Variants in OSGIN1 observed in about 807,000 individuals in gnomAD.
OSGIN1 encodes the protein oxidative stress induced growth inhibitor 1, also known as oxidative stress-induced growth inhibitor 1.
In OSGIN1, 19 loss-of-function variants were observed where a neutral mutation model predicts 20.1. That is an observed-to-expected ratio of 0.95 (90% CI 0.66 to 1.39). OSGIN1 has a LOEUF of 1.39. Ranked by LOEUF, OSGIN1 falls within the 40% of genes most tolerant of loss-of-function variation. The pLI is 0.00. For synonymous variants in OSGIN1, 368 were observed against 297.8 expected (o/e 1.24, Z -2.43); for missense variants, 820 against 653.0 (o/e 1.26, Z -2.79).
intron 5 of OSGIN1, among the ~76,000 whole-genome samples, chr16:83,962,660 C>G (rs751207211): frequency 6.6e-6 from 1 of 152,220 alleles, no homozygotes; most frequent in Non-Finnish European, 1.5e-5. Context: ...GTTAGGGAGA[C>G]TTGAGACATC....
intron 2 of OSGIN1, among the ~76,000 whole-genome samples, chr16:83,958,328 C>T (rs112169078): frequency 4.6e-5 from 7 of 152,316 alleles, no homozygotes; most frequent in African/African-American, 1.7e-4. Context: ...TGGAGGCGAC[C>T]CGGCGTGGCG....
rs1395026540 is a variant in OSGIN1, at chr16:83,960,946, C to T, written c.397-35C>T. The T allele has an allele frequency of 3.8e-6, 6 of 1,594,094 alleles. No individual in the cohort carries two copies. The Admixed American group carries it at 5.0e-5, about 13-fold the overall frequency. On this transcript the variant is annotated intron_variant, in intron 4 of 5. Transcript: ENST00000393306. ...CTAGCCCCAAATGGGTTCAGGCGAG[C>T]AGAGGCCTGGACCAAAGGGTTCCTT...
At chr16:83,957,589 C>A in intron 1 of OSGIN1, 51 bp from the exon 2 acceptor site, 1 of 932,118 alleles carries the variant, frequency 1.1e-6, no homozygotes, top group Admixed American at 2.0e-5. Context: ...GCTGTGTGGA[C>A]ACCCAGGCCT....
intron 5 of OSGIN1, 123 bp from the exon 6 acceptor site, chr16:83,964,939 A>T (rs1193263965): frequency 5.8e-6 from 4 of 694,120 alleles, no homozygotes; most frequent in African/African-American, 5.3e-5. Context: ...TACCTGGCCT[A>T]GTCCTACAGC....
intron 1 of OSGIN1, chr16:83,954,729 C>G: frequency 1.0e-6 from 1 of 983,922 alleles, no homozygotes; most frequent in Non-Finnish European, 1.2e-6. Flanking sequence ...GGAGGGAGCC[C>G]TGGACTTGGA....
intron 1 of OSGIN1, chr16:83,954,637 C>G (rs1200390053): frequency 2.5e-6 from 1 of 399,654 alleles, no homozygotes; most frequent in African/African-American, 2.1e-5. Flanking sequence ...CGGGAAGTGA[C>G]TTCTCAGGTC....
chr16:83,961,597 G>A (rs1222259738), intron 5 of OSGIN1, among the ~76,000 whole-genome samples: 1 of 152,146 alleles, frequency 6.6e-6, no homozygotes, highest in Non-Finnish European at 1.5e-5. Flanking sequence ...GAGGTACAGG[G>A]GCTTCAGAGT....
intron 1 of OSGIN1, among the ~76,000 whole-genome samples, chr16:83,955,634 T>TG (rs1409887319): frequency 2.6e-5 from 4 of 152,246 alleles, no homozygotes; most frequent in Non-Finnish European, 5.9e-5. Context: ...AGATCATGCC[T>TG]GGCACCCAGC....
intron 5 of OSGIN1, among the ~76,000 whole-genome samples, chr16:83,964,730 A>G (rs2084255555): frequency 6.6e-6 from 1 of 152,012 alleles, no homozygotes; most frequent in Non-Finnish European, 1.5e-5. Flanking sequence ...CATTTTGCAA[A>G]CTGGGGAAAC....
In OSGIN1 at chr16:83,965,746, G is replaced by A; in HGVS notation, c.1173G>A (p.Leu391=). The A allele has an allele frequency of 6.2e-7, 1 of 1,613,582 alleles. No individual in the cohort carries two copies. Among genetic ancestry groups the A allele is most frequent in the East Asian group, 2.2e-5 (1 of 44,866 alleles). Residue 391 remains leucine, a synonymous_variant, in exon 6 of 6, where the codon CTG becomes CTA. Coordinates refer to ENST00000393306, the MANE Select transcript of OSGIN1 (RefSeq NM_182981.3). Reference sequence around the variant, plus strand: ...TCGAGAAGGTGTTTGGGGTCTCCCTGGTGCTGGTCCTCATCGGCTCCCACC... The same window carrying A: ...TCGAGAAGGTGTTTGGGGTCTCCCTAGTGCTGGTCCTCATCGGCTCCCACC... The part of the protein sequence containing the change: ...EGVEKVFGVS[L]VLVLIGSHPD...
rs1567658594 is a variant in OSGIN1 at position 83,965,228 on chromosome 16, C to G, written c.655C>G (p.Leu219Val). The change falls in exon 6 of 6, where the codon CTC (leucine) becomes GTC (valine). Residue 219 changes from leucine (L) to valine (V), a missense_variant. Physicochemically the swap from Leu to Val is conservative, Grantham distance 32. Transcript: ENST00000393306. ...CTGTGGGGCCCAGGACTCCAGCCCC[C>G]TCTTCCAGGTGAGCGGCTTCCTGAC... The part of the protein sequence containing the change: ...SSCGAQDSSP[L>V]FQVSGFLTRN... 2 of 1,612,806 alleles carry G rather than the reference C, an allele frequency of 1.2e-6. No homozygotes were observed. Among genetic ancestry groups the G allele is most frequent in the African/African-American group, 1.3e-5 (1 of 75,066 alleles).
chr16:83,956,861 C>G (rs2665303), intron 1 of OSGIN1: 64,108 of 152,140 alleles, frequency 0.42, 15,991 homozygotes, highest in East Asian at 0.65. Context: ...AGGTCTGATG[C>G]TCCTCTGGGA....
chr16:83,957,859 T>TATTTATTTA (rs1491399747), intron 2 of OSGIN1, 121 bp downstream of exon 2: 84 of 367,954 alleles, frequency 2.3e-4, no homozygotes, highest in African/African-American at 1.7e-3. Context: ...GGGGTTTATT[T>TATTTATTTA]TTTATTTATT....
In OSGIN1 at chr16:83,958,886, T is replaced by A. The variant is rs192379424; in HGVS notation, c.68-374T>A. Among the ~76,000 whole-genome samples the A allele has an allele frequency of 3.6e-3, 552 of 152,308 alleles. 7 individuals carry two copies. The highest frequency in any genetic ancestry group is 0.013 in the African/African-American group (537 of 41,566). ...CGCGTCGTCAGATATTCCCTCTGTC[T>A]GGGTTTTAATCCCGGCTCGTCTACC... On this transcript the variant is annotated intron_variant, in intron 2 of 5. Transcript: ENST00000393306.
At chr16:83,953,774 G>A (rs901696236) in intron 1 of OSGIN1, among the ~76,000 whole-genome samples, 3 of 152,094 alleles carry the variant, frequency 2.0e-5, no homozygotes, top group Non-Finnish European at 4.4e-5. Flanking sequence ...TGCTCAGGAG[G>A]GACAGAGCCC....
intron 5 of OSGIN1, among the ~76,000 whole-genome samples, chr16:83,962,628 G>A (rs111748709): frequency 4.3e-4 from 66 of 152,322 alleles, no homozygotes; most frequent in African/African-American, 1.4e-3. Flanking sequence ...CATGGTGGTC[G>A]GGGCACAGCC....
rs1269071200 is a variant in OSGIN1 at position 83,966,128 on chromosome 16, T to C, written c.*121T>C. The C allele has an allele frequency of 1.6e-5, 13 of 819,306 alleles. No individual in the cohort carries two copies. The highest frequency in any genetic ancestry group is 2.0e-5 in the Non-Finnish European group (11 of 538,322). The allele number at this position is 819,306 out of a possible 1,614,324, so 50.8% of individuals were successfully genotyped here. A position where few individuals can be genotyped will look rare whatever the true frequency, so the allele number is the denominator to read the frequency against. On this transcript the variant is annotated 3_prime_UTR_variant, in exon 6 of 6. Transcript: ENST00000393306. ...GGGTGTCAGCCCACGTTGCTGGCCT[T>C]TGGGGTCAAGAGGAGTAGGGATCCC...
In OSGIN1 at chr16:83,966,240, G is replaced by A; in HGVS notation, c.*233G>A. On this transcript the variant is annotated 3_prime_UTR_variant, in exon 6 of 6. Transcript: ENST00000393306. Reference sequence around the variant, plus strand: ...CCTAGACCTGGGATTTGTGGGGAAAGCTGCTGGTGTGACCAGCTGAGCACC... The same window carrying A: ...CCTAGACCTGGGATTTGTGGGGAAAACTGCTGGTGTGACCAGCTGAGCACC... 1 of 547,808 alleles carries A rather than the reference G, an allele frequency of 1.8e-6. No homozygotes were observed. Among genetic ancestry groups the A allele is most frequent in the Non-Finnish European group, 3.2e-6 (1 of 313,496 alleles). 33.9% of individuals were successfully genotyped at this position (547,808 alleles called of 1,614,324 possible).
intron 2 of OSGIN1, among the ~76,000 whole-genome samples, chr16:83,958,430 C>T (rs1402724877): frequency 3.3e-5 from 5 of 152,188 alleles, no homozygotes; most frequent in African/African-American, 1.2e-4. Flanking sequence ...CACACAGTAG[C>T]GGCTTATGAT....
Sources: gnomAD v4.1 joint callset for allele counts (sites outside exome capture counted in the v4.1 genomes callset) on GRCh38, gnomAD v4.1.1 for gene constraint, MANE v1.5 for transcripts, NCBI Gene and HGNC (gene_info 2026-07-23, HGNC 2026-07-21) for gene names.